HNRNPC: variants seen among roughly 807,000 people sequenced by gnomAD.
The protein encoded by HNRNPC is heterogeneous nuclear ribonucleoprotein C.
HNRNPC carries 3 observed loss-of-function variants against 33.2 expected under a neutral mutation model. The ratio of observed to expected loss-of-function variants is 0.09; its 90% CI spans 0.04 to 0.23. HNRNPC has a LOEUF of 0.23. HNRNPC is among the 10% of genes least tolerant of loss of function. The pLI is 1.00. For missense variants in HNRNPC, 143 were observed against 366.7 expected (o/e 0.39, Z 4.98); for synonymous variants, 121 against 126.7 (o/e 0.96, Z 0.30).
At chr14:21,236,688 T>C (rs1205684431) in intron 2 of HNRNPC, among the ~76,000 whole-genome samples, 1 of 152,204 alleles carries the variant, frequency 6.6e-6, no homozygotes, top group Non-Finnish European at 1.5e-5. Flanking sequence ...CACTTCATTC[T>C]ACTTCAAAAT....
At chr14:21,244,056 T>C (rs991484155) in intron 2 of HNRNPC, among the ~76,000 whole-genome samples, 1 of 151,946 alleles carries the variant, frequency 6.6e-6, no homozygotes, top group Non-Finnish European at 1.5e-5. Context: ...AAGACGAAGC[T>C]TAGCTCTTGT....
At chr14:21,256,039 T>C (rs918248049) in intron 2 of HNRNPC, among the ~76,000 whole-genome samples, 1 of 152,164 alleles carries the variant, frequency 6.6e-6, no homozygotes, top group African/African-American at 2.4e-5. Context: ...CACAGTATAT[T>C]AACAGCAAGG....
At chr14:21,245,323 G>A (rs780626623) in intron 2 of HNRNPC, among the ~76,000 whole-genome samples, 13 of 151,064 alleles carry the variant, frequency 8.6e-5, no homozygotes, top group Non-Finnish European at 1.8e-4. Flanking sequence ...TGGAGAAACC[G>A]CGTCTCTACT....
chr14:21,213,801 C>CAG (rs1374724928), intron 5 of HNRNPC, among the ~76,000 whole-genome samples: 8 of 152,168 alleles, frequency 5.3e-5, no homozygotes, highest in Non-Finnish European at 7.4e-5. Flanking sequence ...TCCAACAGGG[C>CAG]AGAGACCACT....
At chr14:21,220,771 G>C (rs1447927640) in intron 5 of HNRNPC, among the ~76,000 whole-genome samples, 1 of 151,516 alleles carries the variant, frequency 6.6e-6, no homozygotes. Flanking sequence ...AATGAAAATC[G>C]AATAAAAGTT....
chr14:21,268,510 C>T (rs1198161485), intron 1 of HNRNPC: 3 of 152,128 alleles, frequency 2.0e-5, no homozygotes, highest in Non-Finnish European at 2.9e-5. Flanking sequence ...AAAAACCACT[C>T]GACTGACCTC....
At chr14:21,230,802 T>C in intron 4 of HNRNPC, 195 bp downstream of exon 4, 3 of 576,502 alleles carry the variant, frequency 5.2e-6, no homozygotes, top group Non-Finnish European at 8.9e-6. Context: ...AAATTTTCTC[T>C]AGGGCAAAAA....
chr14:21,233,909 A>T (rs1894390051), intron 3 of HNRNPC, 44 bp downstream of exon 3: 4 of 1,584,350 alleles, frequency 2.5e-6, no homozygotes, highest in Non-Finnish European at 3.4e-6. Context: ...GTGAATAGAA[A>T]AACTCAGGCC....
chr14:21,234,985 T>C (rs752648025), intron 2 of HNRNPC, among the ~76,000 whole-genome samples: 5 of 152,160 alleles, frequency 3.3e-5, no homozygotes, highest in Non-Finnish European at 5.9e-5. Context: ...ATGATAAAAC[T>C]AGCCAGTGGA....
intron 3 of HNRNPC, chr14:21,231,384 T>G (rs1203062407): frequency 8.3e-6 from 4 of 482,046 alleles, no homozygotes; most frequent in African/African-American, 5.9e-5. Context: ...CTTAAGACAC[T>G]GTCTCACTGT....
chr14:21,226,684 G>A (rs533845583), intron 5 of HNRNPC, among the ~76,000 whole-genome samples: 7 of 151,984 alleles, frequency 4.6e-5, no homozygotes, highest in Middle Eastern at 6.8e-3. Context: ...GGTCAAAACC[G>A]GCCTGGCCAA....
At chr14:21,212,002 C>CAT in intron 6 of HNRNPC, 79 bp from the exon 7 acceptor site, 1 of 1,102,246 alleles carries the variant, frequency 9.1e-7, no homozygotes, top group Non-Finnish European at 1.4e-6. Flanking sequence ...CACCAGACTA[C>CAT]ATCAGGAGCT....
intron 1 of HNRNPC, among the ~76,000 whole-genome samples, chr14:21,267,596 T>C (rs1250359185): frequency 2.0e-5 from 3 of 152,090 alleles, no homozygotes; most frequent in African/African-American, 7.2e-5. Flanking sequence ...TTCTTCAACT[T>C]TTCCCCCTAG....
intron 2 of HNRNPC, among the ~76,000 whole-genome samples, chr14:21,240,541 G>T (rs570591071): frequency 6.6e-6 from 1 of 152,256 alleles, no homozygotes; most frequent in Non-Finnish European, 1.5e-5. Flanking sequence ...CCACAAACAG[G>T]TTGTGAGAGC....
intron 2 of HNRNPC, among the ~76,000 whole-genome samples, chr14:21,253,564 C>T (rs1416730545): frequency 6.7e-6 from 1 of 150,070 alleles, no homozygotes; most frequent in African/African-American, 2.5e-5. Context: ...ATATAGACAA[C>T]ATTGTATCAA....
intron 5 of HNRNPC, among the ~76,000 whole-genome samples, chr14:21,223,103 A>C (rs1893024491): frequency 6.6e-6 from 1 of 151,690 alleles, no homozygotes; most frequent in African/African-American, 2.4e-5. Context: ...CTACTCCGGA[A>C]GCTGAGCCAG....
chr14:21,230,700 C>T (rs7148674), intron 4 of HNRNPC: 61,487 of 471,928 alleles, frequency 0.13, 4,591 homozygotes, highest in Admixed American at 0.25. Context: ...AGAAGCTCAA[C>T]GATCCTGTAT....
chr14:21,248,749 G>A (rs1412663534), intron 2 of HNRNPC, among the ~76,000 whole-genome samples: 2 of 152,184 alleles, frequency 1.3e-5, no homozygotes, highest in Non-Finnish European at 2.9e-5. Context: ...TGCAAGCAAT[G>A]GTCAAAATAA....
At chr14:21,262,521 C>G (rs906902303) in intron 2 of HNRNPC, 1 of 152,278 alleles carries the variant, frequency 6.6e-6, no homozygotes, top group Non-Finnish European at 1.5e-5. Flanking sequence ...ATGCTATGAC[C>G]TATACACATC....
Sources: allele counts gnomAD v4.1 joint callset (sites outside exome capture counted in the v4.1 genomes callset), GRCh38; gene constraint gnomAD v4.1.1; transcripts MANE v1.5; gene names NCBI Gene and HGNC (gene_info 2026-07-23, HGNC 2026-07-21).